EBF1: variants seen among roughly 807,000 people sequenced by gnomAD.
EBF1 encodes the protein transcription factor COE1.
Under a neutral mutation model 68.4 loss-of-function variants are expected in EBF1, and 10 were observed. The observed-to-expected ratio is 0.15, with a 90% confidence interval of 0.09 to 0.25. EBF1 has a LOEUF of 0.25. Ranked by LOEUF, EBF1 falls within the 10% of genes least tolerant of loss-of-function variation. The pLI, the probability that EBF1 is intolerant of heterozygous loss-of-function variation, is 1.00. For synonymous variants in EBF1, 298 were observed against 299.8 expected (o/e 0.99, Z 0.06); for missense variants, 509 against 794.4 (o/e 0.64, Z 4.32).
chr5:158,737,306 C>G (rs186731729), intron 10 of EBF1, among the ~76,000 whole-genome samples: 26 of 78,708 alleles, frequency 3.3e-4, no homozygotes, highest in African/African-American at 1.2e-3. Flanking sequence ...TTTTTTGAGA[C>G]GGAGTCTCGC....
At chr5:159,090,422 T>A (rs972949756) in intron 4 of EBF1, among the ~76,000 whole-genome samples, 1 of 152,014 alleles carries the variant, frequency 6.6e-6, no homozygotes, top group East Asian at 1.9e-4. Context: ...AATAAAAAAA[T>A]AATTTTGCTT....
chr5:158,709,866 C>A (rs186858051), intron 14 of EBF1, among the ~76,000 whole-genome samples: 1 of 152,230 alleles, frequency 6.6e-6, no homozygotes, highest in Non-Finnish European at 1.5e-5. Flanking sequence ...TGAAATCCTG[C>A]TGGTTCACTG....
chr5:158,711,116 C>A (rs1013446274), intron 14 of EBF1, among the ~76,000 whole-genome samples: 1 of 152,054 alleles, frequency 6.6e-6, no homozygotes, highest in Non-Finnish European at 1.5e-5. Flanking sequence ...GTTTTCTTTT[C>A]CTTTTTTTTA....
chr5:159,068,557 A>C (rs567835137), intron 6 of EBF1, among the ~76,000 whole-genome samples: 4 of 152,324 alleles, frequency 2.6e-5, no homozygotes, highest in African/African-American at 7.2e-5. Flanking sequence ...TTTTCTGAAA[A>C]GTCTTACCAC....
chr5:158,969,899 AGAAAGAAAGAAAG>A (rs1561663172), intron 6 of EBF1, among the ~76,000 whole-genome samples: 3 of 119,696 alleles, frequency 2.5e-5, no homozygotes, highest in Non-Finnish European at 3.7e-5. Flanking sequence ...AAAGAAAGAA[AGAAAGAAAGAAAG>A]AAAGAAAAAA....
At chr5:158,964,537 T>C (rs1380384188) in intron 6 of EBF1, among the ~76,000 whole-genome samples, 1 of 152,046 alleles carries the variant, frequency 6.6e-6, no homozygotes, top group Non-Finnish European at 1.5e-5. Flanking sequence ...ACATGGGAGC[T>C]GGTTAGAAGG....
intron 6 of EBF1, among the ~76,000 whole-genome samples, chr5:158,898,878 A>G (rs578238356): frequency 6.6e-6 from 1 of 152,306 alleles, no homozygotes; most frequent in South Asian, 2.1e-4. Flanking sequence ...GCAAAAAGAA[A>G]TGTGGGAACG....
chr5:159,090,515 G>T (rs1781438418), intron 4 of EBF1, among the ~76,000 whole-genome samples: 1 of 152,136 alleles, frequency 6.6e-6, no homozygotes, highest in Non-Finnish European at 1.5e-5. Context: ...TTTCAGAAGT[G>T]AATTAGGAAA....
At chr5:158,921,107 G>A (rs56330613) in intron 6 of EBF1, among the ~76,000 whole-genome samples, 9,339 of 152,246 alleles carry the variant, frequency 0.061, 321 homozygotes, top group Non-Finnish European at 0.072. Context: ...ACGTTTATGC[G>A]TTTGACCTCA....
intron 6 of EBF1, chr5:158,983,612 G>A (rs1169331399): frequency 1.3e-5 from 2 of 152,154 alleles, no homozygotes; most frequent in Non-Finnish European, 2.9e-5. Flanking sequence ...GTCATTTAGG[G>A]AAATGTATCA....
At chr5:158,835,329 C>T (rs1042332811) in intron 7 of EBF1, among the ~76,000 whole-genome samples, 1 of 152,088 alleles carries the variant, frequency 6.6e-6, no homozygotes. Context: ...TTGACCAAAC[C>T]CTTTACAGGT....
intron 6 of EBF1, among the ~76,000 whole-genome samples, chr5:159,003,614 C>A (rs1361270346): frequency 6.6e-6 from 1 of 152,204 alleles, no homozygotes; most frequent in Non-Finnish European, 1.5e-5. Context: ...AGCACATATG[C>A]ACGGATCTGT....
chr5:158,714,576 C>T (rs1760218995), intron 11 of EBF1, among the ~76,000 whole-genome samples: 1 of 152,130 alleles, frequency 6.6e-6, no homozygotes, highest in South Asian at 2.1e-4. Context: ...TAACCATGAC[C>T]TTATCAGACA....
chr5:158,906,045 G>T (rs1030815601), intron 6 of EBF1, among the ~76,000 whole-genome samples: 7 of 152,104 alleles, frequency 4.6e-5, no homozygotes, highest in African/African-American at 1.7e-4. Flanking sequence ...TTTGAGGTCA[G>T]CAGCAGAGAA....
At chr5:159,047,398 G>C (rs1297741131) in intron 6 of EBF1, among the ~76,000 whole-genome samples, 1 of 152,144 alleles carries the variant, frequency 6.6e-6, no homozygotes, top group Non-Finnish European at 1.5e-5. Flanking sequence ...AAGGAGAGAA[G>C]GGTCTCTAGA....
chr5:159,042,137 G>C (rs1209059198), intron 6 of EBF1, among the ~76,000 whole-genome samples: 1 of 152,128 alleles, frequency 6.6e-6, no homozygotes, highest in Non-Finnish European at 1.5e-5. Context: ...ACCCATCAAA[G>C]CCATGGCATG....
At chr5:159,079,013 A>T (rs890594192) in intron 5 of EBF1, among the ~76,000 whole-genome samples, 1 of 152,214 alleles carries the variant, frequency 6.6e-6, no homozygotes. Flanking sequence ...CAAACTTGTA[A>T]AAAACAAGAT....
At chr5:158,925,490 A>G (rs1301923583) in intron 6 of EBF1, among the ~76,000 whole-genome samples, 2 of 152,238 alleles carry the variant, frequency 1.3e-5, no homozygotes, top group African/African-American at 2.4e-5. Flanking sequence ...TGGAGAAGTG[A>G]TAAGTGTAAC....
In EBF1 at chr5:159,042,586, C is replaced by CTGTGTGTGTG. The variant is rs112231991; in HGVS notation, c.554+30800_554+30809dup. Among the ~76,000 whole-genome samples the CTGTGTGTGTG allele has an allele frequency of 9.6e-4, 142 of 148,638 alleles. 1 individual carries two copies. The highest frequency in any genetic ancestry group is 3.0e-3 in the African/African-American group (121 of 40,570). On this transcript the variant is annotated intron_variant, in intron 6 of 15. Transcript: ENST00000313708. ...CCAAAGGAAAAAAAAAATTCTTTGC[C>CTGTGTGTGTG]TGTGTGTGTGTGTGTGTGTGTGTGC...
Sources: gnomAD v4.1 joint callset for allele counts (sites outside exome capture counted in the v4.1 genomes callset) on GRCh38, gnomAD v4.1.1 for gene constraint, MANE v1.5 for transcripts, NCBI Gene and HGNC (gene_info 2026-07-23, HGNC 2026-07-21) for gene names.